GRK5: variants seen among roughly 807,000 people sequenced by gnomAD.
GRK5 encodes g protein-coupled receptor kinase GRK5.
A neutral mutation model predicts 78.4 loss-of-function variants in GRK5; 40 were observed. The ratio of observed to expected loss-of-function variants is 0.51; its 90% CI spans 0.40 to 0.66. The LOEUF is 0.66. Among genes scored for constraint, GRK5 ranks in the 30% least tolerant of loss-of-function variants. The pLI, the probability that GRK5 is intolerant of heterozygous loss-of-function variation, is 0.00. For missense variants in GRK5, 598 were observed against 759.9 expected (o/e 0.79, Z 2.50); for synonymous variants, 289 against 296.8 (o/e 0.97, Z 0.27).
At chr10:119,266,304 C>T (rs2133664603) in intron 1 of GRK5, among the ~76,000 whole-genome samples, 1 of 152,182 alleles carries the variant, frequency 6.6e-6, no homozygotes, top group African/African-American at 2.4e-5. Flanking sequence ...AAAACACAAG[C>T]ATTAGCCAGG....
At chr10:119,424,407 A>G (rs1260254208) in intron 5 of GRK5, among the ~76,000 whole-genome samples, 4 of 152,200 alleles carry the variant, frequency 2.6e-5, no homozygotes, top group Admixed American at 6.5e-5. Flanking sequence ...ATAGAGATCC[A>G]CAGCATCCCA....
chr10:119,369,866 G>C (rs990353457), intron 2 of GRK5, among the ~76,000 whole-genome samples: 1 of 152,162 alleles, frequency 6.6e-6, no homozygotes, highest in African/African-American at 2.4e-5. Context: ...GGATCTACCT[G>C]CCAAGTGGTC....
At chr10:119,434,930 A>G (rs1462388556) in intron 8 of GRK5, among the ~76,000 whole-genome samples, 1 of 152,236 alleles carries the variant, frequency 6.6e-6, no homozygotes, top group Non-Finnish European at 1.5e-5. Context: ...TCTGAAATCT[A>G]GGCGGAGGTT....
At chr10:119,268,928 C>A (rs988162315) in intron 1 of GRK5, among the ~76,000 whole-genome samples, 1 of 152,166 alleles carries the variant, frequency 6.6e-6, no homozygotes, top group Non-Finnish European at 1.5e-5. Context: ...GAGTAGATAA[C>A]AAAGGGGGTG....
chr10:119,420,281 G>A (rs1852541463), intron 4 of GRK5, among the ~76,000 whole-genome samples: 2 of 149,680 alleles, frequency 1.3e-5, no homozygotes, highest in African/African-American at 4.9e-5. Flanking sequence ...ATTTTTATAG[G>A]TTTTAAATAT....
chr10:119,288,887 T>C (rs1849904398), intron 1 of GRK5, among the ~76,000 whole-genome samples: 1 of 152,338 alleles, frequency 6.6e-6, no homozygotes, highest in African/African-American at 2.4e-5. Flanking sequence ...CCACCTTGGG[T>C]ATGCCCTTGA....
At chr10:119,251,653 CA>C (rs1849204697) in intron 1 of GRK5, among the ~76,000 whole-genome samples, 1 of 152,000 alleles carries the variant, frequency 6.6e-6, no homozygotes, top group African/African-American at 2.4e-5. Flanking sequence ...GAAAATAAAA[CA>C]AAAAACCTTC....
In GRK5 at chr10:119,431,252, A is replaced by G. The variant is rs147022191; in HGVS notation, c.598-135A>G. On this transcript the variant is annotated intron_variant, in intron 7 of 15. Transcript: ENST00000392870. The surrounding 1 kb of genome is among the most constrained non-coding windows in gnomAD (Gnocchi z 4.8). Reference sequence around the variant, plus strand: ...TCACTGGGTCCTGGGAGCCTGGAGCACTCATGAAGCCAGGCAGGGCCGGCT... The same window carrying G: ...TCACTGGGTCCTGGGAGCCTGGAGCGCTCATGAAGCCAGGCAGGGCCGGCT... The G allele has an allele frequency of 8.4e-4, 821 of 978,930 alleles. 3 individuals carry two copies. Among genetic ancestry groups the G allele is most frequent in the Middle Eastern group, 4.4e-3 (13 of 2,972 alleles). 60.6% of individuals were successfully genotyped at this position (978,930 alleles called of 1,614,324 possible).
chr10:119,226,415 G>A (rs879923342), intron 1 of GRK5, among the ~76,000 whole-genome samples: 19 of 150,066 alleles, frequency 1.3e-4, no homozygotes, highest in African/African-American at 4.4e-4. Flanking sequence ...AGGTTCAAGC[G>A]TGCTGATTCT....
intron 1 of GRK5, among the ~76,000 whole-genome samples, chr10:119,243,711 G>C (rs1422000103): frequency 6.6e-6 from 1 of 152,068 alleles, no homozygotes; most frequent in Non-Finnish European, 1.5e-5. Context: ...AAACCAGCAG[G>C]AAAGTCACGG....
chr10:119,446,937 G>A (rs555295663), intron 12 of GRK5, among the ~76,000 whole-genome samples: 2 of 152,348 alleles, frequency 1.3e-5, no homozygotes, highest in Admixed American at 1.3e-4. Context: ...CAGGGCATTG[G>A]GAAAAGACAA....
At chr10:119,394,138 C>CCATGTGTCTGTG (rs1564916651) in intron 3 of GRK5, among the ~76,000 whole-genome samples, 2 of 30,612 alleles carry the variant, frequency 6.5e-5, no homozygotes, top group African/African-American at 1.2e-4. Context: ...GTGTGGGTAT[C>CCATGTGTCTGTG]TGTGGGTATG....
At chr10:119,262,335 T>G (rs1490699410) in intron 1 of GRK5, among the ~76,000 whole-genome samples, 1 of 124,342 alleles carries the variant, frequency 8.0e-6, no homozygotes, top group Non-Finnish European at 1.6e-5. Flanking sequence ...TTGGGTTTTT[T>G]TTTTTTTTTT....
intron 6 of GRK5, among the ~76,000 whole-genome samples, chr10:119,428,362 A>G (rs576097077): frequency 1.3e-5 from 2 of 152,370 alleles, no homozygotes; most frequent in Non-Finnish European, 2.9e-5. Context: ...AGAAGCCCCC[A>G]TGTGTGCTTG....
intron 1 of GRK5, among the ~76,000 whole-genome samples, chr10:119,274,753 C>T (rs946499140): frequency 2.0e-5 from 3 of 152,150 alleles, no homozygotes; most frequent in African/African-American, 7.2e-5. Context: ...GAGGGGCTTT[C>T]ACATCCTTTA....
At chr10:119,306,911 G>A (rs914667057) in intron 1 of GRK5, among the ~76,000 whole-genome samples, 3 of 152,162 alleles carry the variant, frequency 2.0e-5, no homozygotes, top group African/African-American at 7.2e-5. Flanking sequence ...TAGGGTACTG[G>A]GGGTTGCCTA....
intron 1 of GRK5, among the ~76,000 whole-genome samples, chr10:119,285,853 TC>T (rs1849839918): frequency 6.6e-6 from 1 of 152,106 alleles, no homozygotes; most frequent in Non-Finnish European, 1.5e-5. Context: ...ACCCCTGTGA[TC>T]AAGGTCAAGT....
At chr10:119,441,046 G>C (rs1853022367) in intron 10 of GRK5, among the ~76,000 whole-genome samples, 1 of 152,242 alleles carries the variant, frequency 6.6e-6, no homozygotes, top group Non-Finnish European at 1.5e-5. Context: ...CCCAGTAGAG[G>C]GAGGGGAGAA....
At chr10:119,344,913 C>CCTTCCTTA (rs1851057442) in intron 2 of GRK5, among the ~76,000 whole-genome samples, 1 of 143,262 alleles carries the variant, frequency 7.0e-6, no homozygotes, top group Admixed American at 7.1e-5. Context: ...TTCCTTCCTT[C>CCTTCCTTA]CTTCCTTCCT....
Sources: gnomAD v4.1 joint callset for allele counts (sites outside exome capture counted in the v4.1 genomes callset) on GRCh38, gnomAD v4.1.1 for gene constraint, Gnocchi (gnomAD v3.1) non-coding constraint, MANE v1.5 for transcripts, NCBI Gene and HGNC (gene_info 2026-07-23, HGNC 2026-07-21) for gene names.